The following ANKRD2 variants were observed in gnomAD, a reference collection of about 807,000 sequenced individuals.
ANKRD2 encodes ankyrin repeat domain-containing protein 2.
ANKRD2 carries 35 observed loss-of-function variants against 37.3 expected under a neutral mutation model. The observed-to-expected ratio is 0.94, with a 90% CI of 0.72 to 1.24. ANKRD2 has a LOEUF of 1.24. ANKRD2 is among the 50% of genes most tolerant of loss of function. The pLI, the probability that ANKRD2 is intolerant of heterozygous loss-of-function variation, is 0.00. For missense variants in ANKRD2, 410 were observed against 445.6 expected (o/e 0.92, Z 0.72); for synonymous variants, 159 against 186.5 (o/e 0.85, Z 1.20).
At chr10:97,577,951 C>A in intron 2 of ANKRD2, 50 bp downstream of exon 2, 1 of 1,498,520 alleles carries the variant, frequency 6.7e-7, no homozygotes, top group Non-Finnish European at 9.0e-7. Context: ...AGCCAGGTAG[C>A]CATGGCCTGT....
chr10:97,581,240 T>C, intron 5 of ANKRD2, 76 bp from the exon 6 acceptor site: 1 of 1,454,294 alleles, frequency 6.9e-7, no homozygotes, highest in Non-Finnish European at 9.6e-7. Flanking sequence ...CCCTCTGCCT[T>C]CCTGGCTGGG....
At chr10:97,578,844 A>C (rs748241525) in intron 4 of ANKRD2, among the ~76,000 whole-genome samples, 39 of 152,228 alleles carry the variant, frequency 2.6e-4, no homozygotes, top group Non-Finnish European at 3.8e-4. Flanking sequence ...ATGTTTGTTT[A>C]GGAAAGAAAG....
intron 1 of ANKRD2, among the ~76,000 whole-genome samples, chr10:97,576,386 C>A: frequency 6.6e-6 from 1 of 152,124 alleles, no homozygotes; most frequent in East Asian, 1.9e-4. Context: ...GCAGAGAAGA[C>A]CTGGCAGGCA....
At position 97,576,643 on chromosome 10, in the gene ANKRD2, G is replaced by A. The variant is rs965414553; in HGVS notation, c.88-1157G>A. On this transcript the variant is annotated intron_variant, in intron 1 of 8. Coordinates refer to ENST00000370655, the MANE Select transcript of ANKRD2 (RefSeq NM_001346793.2). ...CTCTCATCATAATCATTTCATCAAA[G>A]TGAATTATTTATTTTTAAAACTTAT... Among the ~76,000 whole-genome samples, 3 of 151,432 alleles carry A rather than the reference G, an allele frequency of 2.0e-5. No individual in the cohort carries two copies. In the South Asian group the frequency reaches 6.2e-4, roughly 32 times the overall value.
chr10:97,578,403 G>A lies in ANKRD2; in HGVS notation c.348+5G>A. 6.2e-7 allele frequency: 1 copy of A among 1,613,728 alleles called. No individual in the cohort carries two copies. Among genetic ancestry groups the A allele is most frequent in the Non-Finnish European group, 8.5e-7 (1 of 1,179,820 alleles). ...CCCCCAGAGCCCGAGGAGATCGTAAGGGTCCTGGGGAGGACACCGCGAGGG... is the reference window on the plus strand; with the variant it reads ...CCCCCAGAGCCCGAGGAGATCGTAAAGGTCCTGGGGAGGACACCGCGAGGG... On this transcript the variant is annotated splice_donor_5th_base_variant and intron_variant, in intron 3 of 8. Coordinates refer to ENST00000370655, the MANE Select transcript of ANKRD2 (RefSeq NM_001346793.2).
At position 97,580,973 on chromosome 10, in the gene ANKRD2, T is replaced by C. The variant is rs578206625; in HGVS notation, c.555+20T>C. The C allele has an allele frequency of 1.3e-6, 2 of 1,562,978 alleles. No individual in the cohort carries two copies. The highest frequency in any genetic ancestry group is 1.7e-6 in the Non-Finnish European group (2 of 1,151,362). ...GATCGGGTGAGTGAGAGGGCAGGTA[T>C]TCAATGGGAGACAGGAGGTGGGTCC... On this transcript the variant is annotated intron_variant, in intron 5 of 8. Coordinates refer to ENST00000370655, the MANE Select transcript of ANKRD2 (RefSeq NM_001346793.2).
chr10:97,573,928 A>G (rs2040791407), intron 1 of ANKRD2, among the ~76,000 whole-genome samples: 1 of 152,164 alleles, frequency 6.6e-6, no homozygotes, highest in South Asian at 2.1e-4. Context: ...AGAGGTGTGA[A>G]TCAGAAGTGG....
At chr10:97,573,224 CTGAG>C (rs1398867286) in intron 1 of ANKRD2, among the ~76,000 whole-genome samples, 2 of 152,122 alleles carry the variant, frequency 1.3e-5, no homozygotes, top group African/African-American at 4.8e-5. Context: ...GCCCCAGTGA[CTGAG>C]TGGGAGGCTG....
chr10:97,583,435 C>A (rs2040928569), intron 8 of ANKRD2, 141 bp from the exon 9 acceptor site: 3 of 846,040 alleles, frequency 3.5e-6, no homozygotes, highest in Non-Finnish European at 5.4e-6. Flanking sequence ...GTGTGACAAC[C>A]AAAAGTATCT....
At chr10:97,576,777 A>G (rs749402943) in intron 1 of ANKRD2, among the ~76,000 whole-genome samples, 2 of 151,242 alleles carry the variant, frequency 1.3e-5, no homozygotes, top group Non-Finnish European at 2.9e-5. Context: ...GCTCACTGCA[A>G]CCTCCACCTC....
intron 1 of ANKRD2, among the ~76,000 whole-genome samples, chr10:97,575,354 G>A (rs545497143): frequency 6.6e-6 from 1 of 152,286 alleles, no homozygotes; most frequent in African/African-American, 2.4e-5. Context: ...ACTGGGTTAG[G>A]TCATCACTGA....
At chr10:97,583,506 T>C in intron 8 of ANKRD2, 70 bp from the exon 9 acceptor site, 1 of 1,421,992 alleles carries the variant, frequency 7.0e-7, no homozygotes, top group East Asian at 2.7e-5. Flanking sequence ...GGGTACCTTC[T>C]GTGAAAGCCT....
intron 1 of ANKRD2, among the ~76,000 whole-genome samples, chr10:97,575,343 T>C (rs1167583128): frequency 6.6e-6 from 1 of 152,204 alleles, no homozygotes; most frequent in African/African-American, 2.4e-5. Flanking sequence ...GTGGCGAGTT[T>C]ACTGGGTTAG....
At position 97,583,593 on chromosome 10, in the gene ANKRD2, G is replaced by A. The variant is rs752139699; in HGVS notation, c.870G>A (p.Thr290=). 11 of 1,603,954 alleles carry A rather than the reference G, an allele frequency of 6.9e-6. No homozygotes were observed. Among genetic ancestry groups the A allele is most frequent in the South Asian group, 3.4e-5 (3 of 89,084 alleles). ...MTKNLAGKTP[T]DLVQLWQADT... ...CCCTCCAGGCAGGAAAGACCCCGAC[G>A]GACCTGGTGCAGCTCTGGCAGGCTG... The change falls in exon 9 of 9, where the codon ACG becomes ACA. Residue 290 remains threonine (T), a synonymous_variant. Coordinates refer to ENST00000370655, the MANE Select transcript of ANKRD2 (RefSeq NM_001346793.2).
intron 1 of ANKRD2, among the ~76,000 whole-genome samples, chr10:97,577,226 A>T (rs546574769): frequency 6.6e-6 from 1 of 150,918 alleles, no homozygotes; most frequent in East Asian, 2.0e-4. Flanking sequence ...CTGATCTCAA[A>T]CTTCTGGGCT....
intron 4 of ANKRD2, 63 bp downstream of exon 4, chr10:97,578,668 T>A: frequency 2.3e-6 from 3 of 1,320,078 alleles, no homozygotes; most frequent in Non-Finnish European, 3.1e-6. Context: ...TCCGTTCGGC[T>A]CCTGGGTCAG....
intron 1 of ANKRD2, among the ~76,000 whole-genome samples, chr10:97,575,644 T>G (rs1168232963): frequency 6.6e-6 from 1 of 152,178 alleles, no homozygotes; most frequent in Non-Finnish European, 1.5e-5. Context: ...GTGCAGTAGC[T>G]CACGCCTGTA....
intron 5 of ANKRD2, 100 bp downstream of exon 5, chr10:97,581,053 G>T (rs1405497225): frequency 2.9e-5 from 33 of 1,133,828 alleles, no homozygotes; most frequent in South Asian, 2.3e-4. Context: ...GCATAAACAG[G>T]TTGCTCAGGT....
intron 6 of ANKRD2, 128 bp downstream of exon 6, chr10:97,581,542 G>A (rs1467627640): frequency 1.1e-6 from 1 of 947,524 alleles, no homozygotes; most frequent in African/African-American, 1.6e-5. Flanking sequence ...CTGCAGAGCA[G>A]GGAAGCTAAA....
Sources: allele counts gnomAD v4.1 joint callset (sites outside exome capture counted in the v4.1 genomes callset), GRCh38; gene constraint gnomAD v4.1.1; transcripts MANE v1.5; gene names NCBI Gene and HGNC (gene_info 2026-07-23, HGNC 2026-07-21).